The following PLXNA2 variants were observed in gnomAD, a reference collection of about 807,000 sequenced individuals.
PLXNA2 encodes the protein plexin A2.
PLXNA2 carries 91 observed loss-of-function variants against 193.5 expected under a neutral mutation model. The ratio of observed to expected loss-of-function variants is 0.47; its 90% CI spans 0.40 to 0.56. The LOEUF (loss-of-function observed/expected upper bound fraction) is 0.56, where lower values mean the gene tolerates loss of function less well. Among genes scored for constraint, PLXNA2 ranks in the 20% least tolerant of loss-of-function variants. The probability of loss-of-function intolerance (pLI) is 0.00; values close to 1 mark genes in which losing one functional copy is unlikely to be tolerated. For synonymous variants in PLXNA2, 997 were observed against 1,027.3 expected (o/e 0.97, Z 0.56); for missense variants, 1,995 against 2,503.2 (o/e 0.80, Z 4.33).
intron 17 of PLXNA2, 59 bp downstream of exon 17, chr1:208,050,950 C>CA (rs1665238634): frequency 7.7e-7 from 1 of 1,304,036 alleles, no homozygotes; most frequent in African/African-American, 1.4e-5. Context: ...CATCCCATTG[C>CA]AAAACATCAA....
chr1:208,077,386 G>A (rs1305509043), intron 12 of PLXNA2, among the ~76,000 whole-genome samples: 1 of 152,216 alleles, frequency 6.6e-6, no homozygotes, highest in Non-Finnish European at 1.5e-5. Flanking sequence ...TCAGCCCCCG[G>A]TCAGCGAGCA....
intron 3 of PLXNA2, among the ~76,000 whole-genome samples, chr1:208,198,867 T>C (rs536452506): frequency 6.6e-6 from 1 of 152,322 alleles, no homozygotes; most frequent in Non-Finnish European, 1.5e-5. Context: ...CTCCAATTAG[T>C]AGCATTGAGA....
intron 12 of PLXNA2, among the ~76,000 whole-genome samples, chr1:208,072,061 A>G (rs1465642803): frequency 1.3e-5 from 2 of 152,256 alleles, no homozygotes; most frequent in African/African-American, 4.8e-5. Context: ...GTGATGGATC[A>G]TCTCAAACTA....
intron 17 of PLXNA2, among the ~76,000 whole-genome samples, chr1:208,049,938 A>C (rs1183077762): frequency 6.6e-6 from 1 of 152,240 alleles, no homozygotes; most frequent in Non-Finnish European, 1.5e-5. Flanking sequence ...ATGAAAAATA[A>C]TGGCCATAGT....
intron 3 of PLXNA2, among the ~76,000 whole-genome samples, chr1:208,192,099 C>T (rs1003533589): frequency 2.0e-5 from 3 of 152,196 alleles, no homozygotes; most frequent in African/African-American, 7.2e-5. Flanking sequence ...CCTCCTCTCT[C>T]AGCCCGTGCT....
chr1:208,095,882 T>G, intron 8 of PLXNA2, 147 bp downstream of exon 8: 1 of 695,862 alleles, frequency 1.4e-6, no homozygotes. Context: ...TACAGTGTAC[T>G]CTGTCCAAAC....
chr1:208,100,397 C>A (rs1667057818), intron 5 of PLXNA2, among the ~76,000 whole-genome samples: 2 of 152,044 alleles, frequency 1.3e-5, no homozygotes, highest in Admixed American at 1.3e-4. Flanking sequence ...ATACGTATTT[C>A]ACAGGGTTGG....
intron 4 of PLXNA2, among the ~76,000 whole-genome samples, chr1:208,107,729 A>T (rs1240395998): frequency 2.0e-5 from 3 of 152,146 alleles, no homozygotes; most frequent in African/African-American, 7.2e-5. Flanking sequence ...CTATTATTGC[A>T]TTTTAATTAT....
chr1:208,164,074 G>A (rs928519084), intron 3 of PLXNA2, among the ~76,000 whole-genome samples: 5 of 152,226 alleles, frequency 3.3e-5, no homozygotes, highest in South Asian at 2.1e-4. Context: ...CAGTGTTGCC[G>A]CATGGCAATA....
intron 3 of PLXNA2, among the ~76,000 whole-genome samples, chr1:208,160,322 A>C (rs1161219079): frequency 1.3e-5 from 2 of 152,196 alleles, no homozygotes; most frequent in African/African-American, 4.8e-5. Context: ...TAGCTGTATA[A>C]GGTTCTGGGT....
At chr1:208,200,678 G>A (rs372122226) in intron 3 of PLXNA2, among the ~76,000 whole-genome samples, 10 of 139,452 alleles carry the variant, frequency 7.2e-5, no homozygotes, top group African/African-American at 1.6e-4. Flanking sequence ...TGCAACCTCC[G>A]CCTCCCGGCT....
At chr1:208,228,531 C>G (rs988557489) in intron 1 of PLXNA2, among the ~76,000 whole-genome samples, 1 of 152,184 alleles carries the variant, frequency 6.6e-6, no homozygotes, top group African/African-American at 2.4e-5. Context: ...CTGCCTCATT[C>G]CTTGTGTCTC....
chr1:208,058,718 C>T (rs77564589), intron 13 of PLXNA2, among the ~76,000 whole-genome samples: 2,918 of 152,282 alleles, frequency 0.019, 46 homozygotes, highest in Middle Eastern at 0.065. Flanking sequence ...TTGTTCCCCT[C>T]CCCAGGCTCC....
At chr1:208,153,496 GTGTAAACA>G (rs1390927677) in intron 3 of PLXNA2, among the ~76,000 whole-genome samples, 6 of 152,296 alleles carry the variant, frequency 3.9e-5, no homozygotes, top group Non-Finnish European at 8.8e-5. Context: ...GGAACCTGGC[GTGTAAACA>G]CCTATCCACA....
intron 3 of PLXNA2, among the ~76,000 whole-genome samples, chr1:208,151,749 T>C (rs1227288577): frequency 6.6e-6 from 1 of 152,246 alleles, no homozygotes; most frequent in Non-Finnish European, 1.5e-5. Flanking sequence ...ACATGTTAAG[T>C]GTCTATTGCA....
intron 17 of PLXNA2, among the ~76,000 whole-genome samples, 177 bp downstream of exon 17, chr1:208,050,832 A>AT (rs1314887871): frequency 3.3e-5 from 5 of 152,146 alleles, no homozygotes; most frequent in Non-Finnish European, 7.3e-5. Context: ...ATGTCTTAAA[A>AT]AAAAAAAAAT....
At chr1:208,189,794 A>T (rs1340837461) in intron 3 of PLXNA2, among the ~76,000 whole-genome samples, 1 of 152,134 alleles carries the variant, frequency 6.6e-6, no homozygotes, top group Admixed American at 6.5e-5. Context: ...CCCACTACAC[A>T]CACAGCTCCT....
At chr1:208,160,722 G>A (rs1198553610) in intron 3 of PLXNA2, among the ~76,000 whole-genome samples, 1 of 152,202 alleles carries the variant, frequency 6.6e-6, no homozygotes, top group Non-Finnish European at 1.5e-5. Flanking sequence ...TCATGCTCTG[G>A]GGCACAGAAA....
intron 27 of PLXNA2, among the ~76,000 whole-genome samples, chr1:208,033,881 TCTC>T (rs1195541481): frequency 6.6e-6 from 1 of 152,184 alleles, no homozygotes; most frequent in Non-Finnish European, 1.5e-5. Context: ...AAGTTGTAAT[TCTC>T]CTCTTGGGAG....
Sources: gnomAD v4.1 joint callset for allele counts (sites outside exome capture counted in the v4.1 genomes callset) on GRCh38, gnomAD v4.1.1 for gene constraint, MANE v1.5 for transcripts, NCBI Gene and HGNC (gene_info 2026-07-23, HGNC 2026-07-21) for gene names.